The following GREB1L variants were observed in gnomAD, a reference collection of about 807,000 sequenced individuals.
GREB1L encodes GREB1-like protein.
GREB1L carries 17 observed loss-of-function variants against 200.8 expected under a neutral mutation model. The ratio of observed to expected loss-of-function variants is 0.08; its 90% CI spans 0.06 to 0.13. GREB1L has a LOEUF of 0.13. Ranked by LOEUF, GREB1L falls within the 10% of genes least tolerant of loss-of-function variation. The pLI, the probability that GREB1L is intolerant of heterozygous loss-of-function variation, is 1.00. For synonymous variants in GREB1L, 789 were observed against 893.0 expected, an observed-to-expected ratio of 0.88 and a Z score of 2.08; for missense variants, 1,657 against 2,367.7, an observed-to-expected ratio of 0.70 and a Z score of 6.23.
At chr18:21,377,903 T>A (rs949142148) in intron 2 of GREB1L, among the ~76,000 whole-genome samples, 3 of 151,816 alleles carry the variant, frequency 2.0e-5, no homozygotes, top group Admixed American at 2.0e-4. Flanking sequence ...AGAGTATAAC[T>A]CTGTCTCAAA....
At chr18:21,373,951 G>A (rs976057477) in intron 2 of GREB1L, among the ~76,000 whole-genome samples, 1 of 151,428 alleles carries the variant, frequency 6.6e-6, no homozygotes, top group Non-Finnish European at 1.5e-5. Flanking sequence ...CTAATCTTTA[G>A]CCTATGGGAG....
intron 1 of GREB1L, among the ~76,000 whole-genome samples, chr18:21,314,426 A>C (rs576561162): frequency 9.5e-4 from 144 of 152,278 alleles, no homozygotes; most frequent in South Asian, 3.5e-3. Context: ...AGCCCACAGC[A>C]CCTGAAACAA....
chr18:21,410,691 A>G lies in GREB1L; in HGVS notation c.832+6697A>G, dbSNP rs543905655. Among the ~76,000 whole-genome samples the G allele has an allele frequency of 5.3e-5, 8 of 151,858 alleles. No individual in the cohort carries two copies. The East Asian group carries it at 1.5e-3, about 29-fold the overall frequency. On this transcript the variant is annotated intron_variant, in intron 7 of 32. Transcript: ENST00000424526. The stretch of plus-strand genomic sequence containing the variant: ...TAAAGGAAAAGACTGATATTTTACT[A>G]CATTAAAATTATAACTTCTAACTAT...
At chr18:21,455,823 A>G (rs535204854) in intron 15 of GREB1L, among the ~76,000 whole-genome samples, 14 of 151,574 alleles carry the variant, frequency 9.2e-5, no homozygotes, top group Admixed American at 9.2e-4. Flanking sequence ...CTACATAAAG[A>G]TCACCTGGGG....
At chr18:21,415,933 G>C (rs1374061117) in intron 7 of GREB1L, among the ~76,000 whole-genome samples, 1 of 152,054 alleles carries the variant, frequency 6.6e-6, no homozygotes, top group South Asian at 2.1e-4. Context: ...AGATAAAATC[G>C]ACAATGCCTG....
intron 7 of GREB1L, among the ~76,000 whole-genome samples, chr18:21,438,625 C>T (rs573270340): frequency 3.3e-5 from 5 of 151,940 alleles, no homozygotes; most frequent in African/African-American, 7.2e-5. Flanking sequence ...GCTCTGAGCC[C>T]GCCACTGCAC....
At chr18:21,270,943 TAAA>T (rs951969778) in intron 1 of GREB1L, among the ~76,000 whole-genome samples, 1 of 152,138 alleles carries the variant, frequency 6.6e-6, no homozygotes, top group Non-Finnish European at 1.5e-5. Flanking sequence ...ATCTTAGTAA[TAAA>T]AAAACAGGTA....
intron 7 of GREB1L, among the ~76,000 whole-genome samples, chr18:21,409,751 G>A (rs2030734431): frequency 6.6e-6 from 1 of 152,078 alleles, no homozygotes; most frequent in Non-Finnish European, 1.5e-5. Context: ...GCTGAAAATT[G>A]GGGCAAGCCA....
intron 1 of GREB1L, among the ~76,000 whole-genome samples, chr18:21,260,314 A>G (rs575679478): frequency 2.6e-5 from 4 of 152,088 alleles, no homozygotes; most frequent in African/African-American, 9.6e-5. Context: ...TTTTAAATAC[A>G]TTTCCTTTTA....
intron 11 of GREB1L, among the ~76,000 whole-genome samples, chr18:21,447,977 A>C (rs2034314917): frequency 6.6e-6 from 1 of 152,112 alleles, no homozygotes; most frequent in Non-Finnish European, 1.5e-5. Context: ...AGTCTGGCCA[A>C]CATGGTGAAA....
intron 1 of GREB1L, among the ~76,000 whole-genome samples, chr18:21,352,314 G>C (rs2039445590): frequency 6.6e-6 from 1 of 151,996 alleles, no homozygotes; most frequent in Admixed American, 6.6e-5. Context: ...ATGTGAAAAG[G>C]TATTACTTGT....
intron 1 of GREB1L, among the ~76,000 whole-genome samples, chr18:21,359,656 A>C (rs2039554622): frequency 6.6e-6 from 1 of 152,172 alleles, no homozygotes; most frequent in Non-Finnish European, 1.5e-5. Flanking sequence ...TTCTCCTAAG[A>C]CTTGATTCCT....
intron 2 of GREB1L, among the ~76,000 whole-genome samples, chr18:21,375,283 C>T (rs779870125): frequency 1.3e-4 from 20 of 151,884 alleles, no homozygotes; most frequent in Admixed American, 9.9e-4. Flanking sequence ...AGGCTGGTCT[C>T]GAACTTCTGA....
At chr18:21,265,096 T>G (rs1307508661) in intron 1 of GREB1L, among the ~76,000 whole-genome samples, 2 of 152,196 alleles carry the variant, frequency 1.3e-5, no homozygotes, top group African/African-American at 4.8e-5. Context: ...GATTATCTCC[T>G]TTTGAGATGA....
chr18:21,363,299 C>CCCCCCCCCCCCCCCCCCCA (rs1555631604), intron 1 of GREB1L, among the ~76,000 whole-genome samples: 1 of 105,528 alleles, frequency 9.5e-6, no homozygotes, highest in Admixed American at 1.1e-4. Flanking sequence ...CCCCCCCCCC[C>CCCCCCCCCCCCCCCCCCCA]CACACACACA....
chr18:21,489,933 C>G, intron 18 of GREB1L, 79 bp from the exon 19 acceptor site: 1 of 1,026,250 alleles, frequency 9.7e-7, no homozygotes, highest in Non-Finnish European at 1.4e-6. Context: ...CATGCTTAAT[C>G]TGCATTCTTA....
chr18:21,400,964 G>A (rs1326031544), intron 5 of GREB1L, among the ~76,000 whole-genome samples, 186 bp from the exon 6 acceptor site: 1 of 151,906 alleles, frequency 6.6e-6, no homozygotes, highest in Non-Finnish European at 1.5e-5. Flanking sequence ...ATTATTTCCA[G>A]TCTTTCACTG....
Position 21,492,408 on chromosome 18 carries a change from A to G in GREB1L, c.3030+2057A>G, listed in dbSNP as rs143692532. On this transcript the variant is annotated intron_variant, in intron 19 of 32. Transcript: ENST00000424526. Reference sequence around the variant, plus strand: ...GGCGGACAATCAGCAGCACCATGCTAAGTCTCCCACATCTGTTGCCAGAGA... The same window carrying G: ...GGCGGACAATCAGCAGCACCATGCTGAGTCTCCCACATCTGTTGCCAGAGA... Among the ~76,000 whole-genome samples the G allele has an allele frequency of 3.3e-5, 5 of 152,280 alleles. No individual in the cohort carries two copies. In the East Asian group the frequency reaches 9.6e-4, roughly 29 times the overall value.
At chr18:21,269,527 A>G (rs1330520948) in intron 1 of GREB1L, among the ~76,000 whole-genome samples, 1 of 152,212 alleles carries the variant, frequency 6.6e-6, no homozygotes, top group African/African-American at 2.4e-5. Flanking sequence ...TAACAACTTA[A>G]TGCCTTAGGC....
Sources: allele counts gnomAD v4.1 joint callset (sites outside exome capture counted in the v4.1 genomes callset), GRCh38; gene constraint gnomAD v4.1.1; transcripts MANE v1.5; gene names NCBI Gene and HGNC (gene_info 2026-07-23, HGNC 2026-07-21).